Variants in MYL12B observed in about 807,000 individuals in gnomAD.
The protein encoded by MYL12B is myosin light chain 12B.
MYL12B carries 3 observed loss-of-function variants against 12.9 expected under a neutral mutation model. That is an observed-to-expected ratio of 0.23 (90% CI 0.11 to 0.60). The LOEUF is 0.60. Among genes scored for constraint, MYL12B ranks in the 20% least tolerant of loss-of-function variants. MYL12B has a pLI of 0.89. For missense variants in MYL12B, 120 were observed against 215.4 expected (o/e 0.56, Z 2.77); for synonymous variants, 57 against 71.9 (o/e 0.79, Z 1.05).
intron 2 of MYL12B, among the ~76,000 whole-genome samples, chr18:3,275,810 A>C (rs924286759): frequency 2.0e-5 from 3 of 152,170 alleles, no homozygotes; most frequent in Non-Finnish European, 4.4e-5. Flanking sequence ...GTTGGGTTAA[A>C]TCTGGAGGTA....
intron 2 of MYL12B, 81 bp downstream of exon 2, chr18:3,273,163 A>G (rs569089878): frequency 1.4e-6 from 2 of 1,413,798 alleles, no homozygotes; most frequent in Non-Finnish European, 1.9e-6. Context: ...TGCGATGTAC[A>G]AATATTTCTC....
chr18:3,265,474 C>T (rs888839427), intron 1 of MYL12B, among the ~76,000 whole-genome samples: 21 of 152,198 alleles, frequency 1.4e-4, no homozygotes, highest in Non-Finnish European at 2.9e-4. Flanking sequence ...GAACTACTCT[C>T]TGCTTTTCTG....
intron 1 of MYL12B, 107 bp from the exon 2 acceptor site, chr18:3,272,777 T>G: frequency 9.9e-7 from 1 of 1,011,422 alleles, no homozygotes; most frequent in Middle Eastern, 2.4e-4. Context: ...AAGTAATAAT[T>G]CCTTATTGAT....
chr18:3,268,414 T>C (rs2081651164), intron 1 of MYL12B, among the ~76,000 whole-genome samples: 1 of 152,232 alleles, frequency 6.6e-6, no homozygotes, highest in Admixed American at 6.5e-5. Flanking sequence ...TTTTGAATGC[T>C]TCTTGGTTAA....
At chr18:3,266,963 C>A (rs2081639481) in intron 1 of MYL12B, among the ~76,000 whole-genome samples, 1 of 152,208 alleles carries the variant, frequency 6.6e-6, no homozygotes, top group Admixed American at 6.5e-5. Flanking sequence ...GAATTGGAAT[C>A]CATGTCTCCA....
At position 3,276,626 on chromosome 18, in the gene MYL12B, A is replaced by G. The variant is rs932714743; in HGVS notation, c.185-627A>G. On this transcript the variant is annotated intron_variant, in intron 2 of 3. Transcript: ENST00000237500. ...CTTAAATGGCCAACTTATAAATACAACTTTGAAGCATATCAACTTATGGGC... is the reference window on the plus strand; with the variant it reads ...CTTAAATGGCCAACTTATAAATACAGCTTTGAAGCATATCAACTTATGGGC... The G allele has an allele frequency of 6.6e-6, 6 of 904,112 alleles. No homozygotes were observed. In the Admixed American group the frequency reaches 1.9e-4, roughly 28 times the overall value. The allele number at this position is 904,112 out of a possible 1,614,324, so 56.0% of individuals were successfully genotyped here. A position where few individuals can be genotyped will look rare whatever the true frequency, so the allele number is the denominator to read the frequency against.
intron 2 of MYL12B, among the ~76,000 whole-genome samples, chr18:3,273,895 C>G (rs1418228611): frequency 6.6e-6 from 1 of 150,494 alleles, no homozygotes; most frequent in Non-Finnish European, 1.5e-5. Flanking sequence ...GATCAGCTAG[C>G]TTTTATTCTT....
intron 2 of MYL12B, among the ~76,000 whole-genome samples, chr18:3,274,937 A>G (rs1303763256): frequency 1.3e-5 from 2 of 152,228 alleles, no homozygotes; most frequent in Non-Finnish European, 1.5e-5. Flanking sequence ...GAGCTCTCCC[A>G]TATGATCCAG....
At chr18:3,269,469 C>G (rs1272116861) in intron 1 of MYL12B, among the ~76,000 whole-genome samples, 2 of 152,028 alleles carry the variant, frequency 1.3e-5, no homozygotes, top group Non-Finnish European at 2.9e-5. Flanking sequence ...GAGGGTGACT[C>G]CTAGGTTTCT....
In MYL12B at chr18:3,272,225, G is replaced by A. The variant is rs1009155266; in HGVS notation, c.-15-659G>A. ...ATCTCAATTAGTTCTTTGCATTGAA[G>A]TAGATATCATGTTTTACTGATGAAA... is the stretch of plus-strand genomic sequence containing the variant. On this transcript the variant is annotated intron_variant, in intron 1 of 3. Transcript: ENST00000237500. 2.6e-5 allele frequency: 9 copies of A among 343,000 alleles called. No homozygotes were observed. In the African/African-American group the frequency reaches 1.2e-3, roughly 47 times the overall value. The allele number at this position is 343,000 out of a possible 1,614,324, so 21.2% of individuals were successfully genotyped here.
chr18:3,271,461 A>G (rs2081678533), intron 1 of MYL12B, among the ~76,000 whole-genome samples: 1 of 152,220 alleles, frequency 6.6e-6, no homozygotes, highest in South Asian at 2.1e-4. Flanking sequence ...TCCCAATACC[A>G]GAAGTCCTGG....
rs145727435 is a variant in MYL12B, at chr18:3,268,467, A to G, written c.-15-4417A>G. 6.5e-3 allele frequency among the ~76,000 whole-genome samples: 995 copies of G among 152,316 alleles called. 12 individuals are homozygous for G. Among genetic ancestry groups the G allele is most frequent in the African/African-American group, 0.022 (929 of 41,578 alleles). ...AGTCCTAGATCAAAGTTTCAAAGGA[A>G]AGCCATAACTGATAGTTGCCACCTG... On this transcript the variant is annotated intron_variant, in intron 1 of 3. Coordinates refer to ENST00000237500, the MANE Select transcript of MYL12B (RefSeq NM_033546.4).
At chr18:3,276,339 C>T (rs2081731042) in intron 2 of MYL12B, 7 of 716,992 alleles carry the variant, frequency 9.8e-6, no homozygotes, top group Non-Finnish European at 1.2e-5. Flanking sequence ...TGCTGCTTTT[C>T]CCACACCACG....
At chr18:3,277,714 A>C (rs376874222) in intron 3 of MYL12B, 51 bp from the exon 4 acceptor site, 11 of 1,563,068 alleles carry the variant, frequency 7.0e-6, no homozygotes, top group Non-Finnish European at 8.6e-6. Context: ...ATGAACCATC[A>C]AAGTGCCAGG....
At chr18:3,265,240 G>C (rs1273696032) in intron 1 of MYL12B, among the ~76,000 whole-genome samples, 1 of 152,160 alleles carries the variant, frequency 6.6e-6, no homozygotes, top group Non-Finnish European at 1.5e-5. Flanking sequence ...TTAGGTAGAT[G>C]AGGTTACTTT....
intron 1 of MYL12B, among the ~76,000 whole-genome samples, chr18:3,267,736 A>C (rs2081645002): frequency 6.6e-6 from 1 of 152,214 alleles, no homozygotes; most frequent in Non-Finnish European, 1.5e-5. Context: ...TAATTTATAA[A>C]TTAAACTTTA....
chr18:3,268,923 A>G (rs1391337331), intron 1 of MYL12B, among the ~76,000 whole-genome samples: 1 of 152,202 alleles, frequency 6.6e-6, no homozygotes, highest in East Asian at 1.9e-4. Flanking sequence ...GAGTCACTTA[A>G]TAAATGGTAG....
chr18:3,272,695 T>G (rs1010606837), intron 1 of MYL12B, among the ~76,000 whole-genome samples, 189 bp from the exon 2 acceptor site: 13 of 152,176 alleles, frequency 8.5e-5, no homozygotes, highest in Non-Finnish European at 1.6e-4. Flanking sequence ...CAAAACTGCT[T>G]TTTTTCCACT....
At chr18:3,277,015 G>C in intron 2 of MYL12B, 1 of 982,226 alleles carries the variant, frequency 1.0e-6, no homozygotes, top group African/African-American at 1.8e-5. Context: ...TGAACAGAAA[G>C]TTCACATAAA....
Sources: allele counts gnomAD v4.1 joint callset (sites outside exome capture counted in the v4.1 genomes callset), GRCh38; gene constraint gnomAD v4.1.1; transcripts MANE v1.5; gene names NCBI Gene and HGNC (gene_info 2026-07-23, HGNC 2026-07-21).